The following PTPRT variants were observed in gnomAD, a reference collection of about 807,000 sequenced individuals.
PTPRT encodes the protein receptor-type tyrosine-protein phosphatase T.
A neutral mutation model predicts 176.8 loss-of-function variants in PTPRT; 56 were observed. That is an observed-to-expected ratio of 0.32 (90% CI 0.26 to 0.40). The LOEUF (loss-of-function observed/expected upper bound fraction) is 0.40, where lower values mean the gene tolerates loss of function less well. PTPRT is among the 10% of genes least tolerant of loss of function. The pLI is 1.00. For synonymous variants in PTPRT, 783 were observed against 739.0 expected (o/e 1.06, Z -0.96); for missense variants, 1,540 against 1,908.2 (o/e 0.81, Z 3.60).
At chr20:42,703,258 TC>T in intron 6 of PTPRT, among the ~76,000 whole-genome samples, 1 of 152,036 alleles carries the variant, frequency 6.6e-6, no homozygotes, top group Non-Finnish European at 1.5e-5. Flanking sequence ...ACACCAGAAT[TC>T]TATGGAAGTG....
chr20:42,858,150 G>C (rs1438966327), intron 2 of PTPRT, among the ~76,000 whole-genome samples: 1 of 152,174 alleles, frequency 6.6e-6, no homozygotes, highest in Admixed American at 6.5e-5. Context: ...GCTACTTTGG[G>C]GCAGACTGAG....
At chr20:42,823,863 T>C (rs751513937) in intron 2 of PTPRT, among the ~76,000 whole-genome samples, 3 of 151,462 alleles carry the variant, frequency 2.0e-5, no homozygotes, top group Non-Finnish European at 4.4e-5. Context: ...TATGATTGAA[T>C]ACCTAAAAAA....
At position 42,402,221 on chromosome 20, in the gene PTPRT, C is replaced by G. The variant is rs570399667; in HGVS notation, c.1560+45999G>C. Among the ~76,000 whole-genome samples, 21 of 152,040 alleles carry G rather than the reference C, an allele frequency of 1.4e-4. No individual in the cohort carries two copies. The South Asian group carries it at 1.5e-3, about 11-fold the overall frequency. ...CAGTTTCTGTTGTGGGTTTTGGTTCCCCAAAACATCCCTGACTTGAGATTT... is the reference window on the plus strand; with the variant it reads ...CAGTTTCTGTTGTGGGTTTTGGTTCGCCAAAACATCCCTGACTTGAGATTT... On this transcript the variant is annotated intron_variant, in intron 9 of 30. Coordinates refer to ENST00000373187, the MANE Select transcript of PTPRT (RefSeq NM_007050.6).
At chr20:42,249,210 T>C (rs945506771) in intron 13 of PTPRT, among the ~76,000 whole-genome samples, 9 of 152,180 alleles carry the variant, frequency 5.9e-5, no homozygotes, top group African/African-American at 1.9e-4. Context: ...CATTATTCTT[T>C]CAGGTAAATG....
intron 13 of PTPRT, among the ~76,000 whole-genome samples, chr20:42,265,078 T>A (rs2056816440): frequency 6.6e-6 from 1 of 152,210 alleles, no homozygotes; most frequent in South Asian, 2.1e-4. Context: ...TCATGATTCT[T>A]CTCAATAACT....
chr20:42,748,150 A>G (rs2076717690), intron 6 of PTPRT, among the ~76,000 whole-genome samples: 1 of 152,178 alleles, frequency 6.6e-6, no homozygotes, highest in African/African-American at 2.4e-5. Context: ...TCTTTGCTAC[A>G]CAGATCATAT....
intron 7 of PTPRT, among the ~76,000 whole-genome samples, chr20:42,544,303 C>T (rs1341173986): frequency 6.6e-6 from 1 of 152,194 alleles, no homozygotes; most frequent in Non-Finnish European, 1.5e-5. Flanking sequence ...TAAGCATTGG[C>T]TGCTTCACCT....
chr20:42,059,009 T>C, the PTPRT span, among the ~76,000 whole-genome samples: 1 of 152,104 alleles, frequency 6.6e-6, no homozygotes, highest in Admixed American at 6.5e-5. Context: ...CCAGACCTAA[T>C]AAAAATGCAT....
chr20:42,099,590 C>T (rs1450930585), intron 26 of PTPRT, among the ~76,000 whole-genome samples: 1 of 138,138 alleles, frequency 7.2e-6, no homozygotes, highest in African/African-American at 2.7e-5. Flanking sequence ...CATCCAGGGC[C>T]CTATTTATTT....
At chr20:43,164,428 G>C (rs1250561352) in intron 1 of PTPRT, among the ~76,000 whole-genome samples, 2 of 152,224 alleles carry the variant, frequency 1.3e-5, no homozygotes, top group African/African-American at 4.8e-5. Flanking sequence ...CTTGGAGATA[G>C]CTGATACCAT....
intron 1 of PTPRT, among the ~76,000 whole-genome samples, chr20:42,937,772 A>G (rs755309228): frequency 2.0e-5 from 3 of 152,212 alleles, no homozygotes; most frequent in Non-Finnish European, 4.4e-5. Flanking sequence ...TTCACCATCC[A>G]TAATCACTGA....
intron 7 of PTPRT, among the ~76,000 whole-genome samples, chr20:42,676,094 C>T (rs553081086): frequency 1.7e-4 from 26 of 152,256 alleles, no homozygotes; most frequent in Middle Eastern, 3.4e-3. Flanking sequence ...TTGGTGGTAT[C>T]GTGTTGGCAC....
At chr20:42,570,490 A>G (rs1286370429) in intron 7 of PTPRT, among the ~76,000 whole-genome samples, 1 of 152,180 alleles carries the variant, frequency 6.6e-6, no homozygotes, top group Admixed American at 6.5e-5. Context: ...GCACTGCCTG[A>G]TGGGTCTTTA....
intron 2 of PTPRT, among the ~76,000 whole-genome samples, chr20:42,881,068 G>GGGGCAAGGTCTC (rs2079004213): frequency 6.6e-6 from 1 of 152,202 alleles, no homozygotes; most frequent in Non-Finnish European, 1.5e-5. Flanking sequence ...GCTAGAAGTG[G>GGGGCAAGGTCTC]GGGCAAGGTC....
At chr20:42,875,275 T>G (rs2145835608) in intron 2 of PTPRT, among the ~76,000 whole-genome samples, 1 of 152,334 alleles carries the variant, frequency 6.6e-6, no homozygotes, top group East Asian at 1.9e-4. Context: ...GTTAGGAAAC[T>G]TGTTCATAAC....
At chr20:42,183,349 C>T (rs1863500050) in intron 16 of PTPRT, among the ~76,000 whole-genome samples, 1 of 152,114 alleles carries the variant, frequency 6.6e-6, no homozygotes, top group South Asian at 2.1e-4. Context: ...GACAGAGACG[C>T]TAACACCGTC....
intron 7 of PTPRT, among the ~76,000 whole-genome samples, chr20:42,620,155 T>G (rs999111771): frequency 6.8e-6 from 1 of 147,546 alleles, no homozygotes; most frequent in African/African-American, 2.6e-5. Context: ...GTTTTCCTTC[T>G]AACAGACAGG....
intron 1 of PTPRT, among the ~76,000 whole-genome samples, chr20:43,044,007 CTCGTT>C (rs1466319364): frequency 1.3e-5 from 2 of 151,986 alleles, no homozygotes; most frequent in East Asian, 3.9e-4. Flanking sequence ...AGTCCCAGGG[CTCGTT>C]CAATGGACAG....
At chr20:42,212,023 C>T (rs868687030) in intron 15 of PTPRT, among the ~76,000 whole-genome samples, 3 of 144,412 alleles carry the variant, frequency 2.1e-5, no homozygotes, top group Admixed American at 2.1e-4. Flanking sequence ...TGGAAAACAT[C>T]ATTCTCAGTA....
Sources: allele counts gnomAD v4.1 joint callset (sites outside exome capture counted in the v4.1 genomes callset), GRCh38; gene constraint gnomAD v4.1.1; transcripts MANE v1.5; gene names NCBI Gene and HGNC (gene_info 2026-07-23, HGNC 2026-07-21).